The following SHISA9 variants were observed in gnomAD, a reference collection of about 807,000 sequenced individuals.
SHISA9 encodes shisa family member 9.
In SHISA9, 13 loss-of-function variants were observed where a neutral mutation model predicts 38.0. That is an observed-to-expected ratio of 0.34 (90% CI 0.22 to 0.54). The LOEUF (loss-of-function observed/expected upper bound fraction) is 0.54. SHISA9 is among the 20% of genes least tolerant of loss of function. SHISA9 has a pLI of 0.91. For synonymous variants in SHISA9, 275 were observed against 242.0 expected (o/e 1.14, Z -1.27); for missense variants, 538 against 575.8 (o/e 0.93, Z 0.67).
chr16:13,349,303 C>T, the SHISA9 span, among the ~76,000 whole-genome samples: 2 of 152,256 alleles, frequency 1.3e-5, no homozygotes, highest in Admixed American at 6.5e-5. Context: ...CTTGCATGGA[C>T]GAGGGGGTCT....
chr16:12,996,338 C>T (rs2072457079), intron 2 of SHISA9, among the ~76,000 whole-genome samples: 1 of 152,062 alleles, frequency 6.6e-6, no homozygotes, highest in East Asian at 1.9e-4. Flanking sequence ...CCCATTTTCC[C>T]ACGTAGCAAC....
chr16:13,077,224 ACTTCTT>A (rs369294233), intron 2 of SHISA9, among the ~76,000 whole-genome samples: 23 of 147,442 alleles, frequency 1.6e-4, no homozygotes, highest in African/African-American at 3.5e-4. Context: ...TCTATTTTTC[ACTTCTT>A]CTTCTTCTTC....
intron 2 of SHISA9, among the ~76,000 whole-genome samples, chr16:13,102,856 C>G (rs2073892228): frequency 6.6e-6 from 1 of 152,132 alleles, no homozygotes; most frequent in South Asian, 2.1e-4. Context: ...CAAGAGTCAT[C>G]TTAATTTAAA....
At chr16:13,464,143 C>T in the SHISA9 span, among the ~76,000 whole-genome samples, 1 of 152,190 alleles carries the variant, frequency 6.6e-6, no homozygotes, top group African/African-American at 2.4e-5. Context: ...TAGATTAACT[C>T]TGTGACTTTC....
intron 2 of SHISA9, among the ~76,000 whole-genome samples, chr16:13,073,419 T>A (rs1017533762): frequency 1.3e-5 from 2 of 152,172 alleles, no homozygotes; most frequent in African/African-American, 4.8e-5. Flanking sequence ...GTCACTTGGA[T>A]GTGGAGTATT....
At chr16:13,424,694 A>C in the SHISA9 span, among the ~76,000 whole-genome samples, 1 of 152,304 alleles carries the variant, frequency 6.6e-6, no homozygotes, top group South Asian at 2.1e-4. Context: ...TGTTGCAGCT[A>C]TTTAACTTTC....
chr16:12,927,050 T>G (rs1485682444), intron 2 of SHISA9, among the ~76,000 whole-genome samples: 1 of 152,220 alleles, frequency 6.6e-6, no homozygotes, highest in Non-Finnish European at 1.5e-5. Flanking sequence ...TCAGTCAGCC[T>G]GCTGTTCCTT....
At chr16:13,019,404 T>C (rs1457594929) in intron 2 of SHISA9, among the ~76,000 whole-genome samples, 1 of 152,158 alleles carries the variant, frequency 6.6e-6, no homozygotes, top group Non-Finnish European at 1.5e-5. Flanking sequence ...TGAAGGTGGC[T>C]TCTTACTATG....
At chr16:12,961,040 A>C (rs1604310) in intron 2 of SHISA9, among the ~76,000 whole-genome samples, 29,189 of 151,258 alleles carry the variant, frequency 0.19, 3,424 homozygotes, top group Middle Eastern at 0.35. Context: ...GGGATGATGA[A>C]AGGAGAGTGT....
intron 2 of SHISA9, among the ~76,000 whole-genome samples, chr16:13,134,384 T>A (rs2050330135): frequency 6.6e-6 from 1 of 152,182 alleles, no homozygotes; most frequent in Admixed American, 6.5e-5. Flanking sequence ...CTCTCTTGAG[T>A]GCCTGACAAT....
At chr16:13,126,855 AAGAG>A (rs1398397438) in intron 2 of SHISA9, among the ~76,000 whole-genome samples, 33 of 105,958 alleles carry the variant, frequency 3.1e-4, no homozygotes, top group Middle Eastern at 0.015. Context: ...GAGGGAAAGA[AAGAG>A]AGAGCTGAGG....
the SHISA9 span, among the ~76,000 whole-genome samples, chr16:13,397,788 ATTAGACCCC>A: frequency 6.6e-6 from 1 of 151,802 alleles, no homozygotes; most frequent in Non-Finnish European, 1.5e-5. Flanking sequence ...AACCAGCTCA[ATTAGACCCC>A]TGCTTTATCA....
the SHISA9 span, among the ~76,000 whole-genome samples, chr16:13,379,510 G>C: frequency 6.6e-6 from 1 of 152,150 alleles, no homozygotes; most frequent in Admixed American, 6.5e-5. Flanking sequence ...GCTGCTTCTA[G>C]GCACTGGAGG....
At chr16:13,354,541 A>G in the SHISA9 span, among the ~76,000 whole-genome samples, 3,186 of 150,568 alleles carry the variant, frequency 0.021, 56 homozygotes, top group African/African-American at 0.04. Flanking sequence ...AAGTATATGC[A>G]TCAGGTATGA....
chr16:13,087,434 T>C (rs1279125758), intron 2 of SHISA9, among the ~76,000 whole-genome samples: 2 of 151,692 alleles, frequency 1.3e-5, no homozygotes. Flanking sequence ...CAATTTACAC[T>C]CCCACCAGCA....
At chr16:13,167,905 T>C (rs1014410922) in intron 2 of SHISA9, among the ~76,000 whole-genome samples, 1 of 152,208 alleles carries the variant, frequency 6.6e-6, no homozygotes, top group Non-Finnish European at 1.5e-5. Context: ...TCTTAATTCT[T>C]GGATTTCCTG....
intron 2 of SHISA9, among the ~76,000 whole-genome samples, chr16:13,182,275 G>C (rs190365861): frequency 1.4e-4 from 21 of 152,270 alleles, no homozygotes; most frequent in Non-Finnish European, 2.6e-4. Flanking sequence ...CATCAGAGAA[G>C]TTAAGTAACT....
the SHISA9 span, among the ~76,000 whole-genome samples, chr16:13,288,763 C>G: frequency 1.3e-5 from 2 of 152,150 alleles, no homozygotes; most frequent in East Asian, 1.9e-4. Flanking sequence ...TGCACTCCAG[C>G]TTGGTGACAG....
At chr16:12,902,760 A>T in intron 1 of SHISA9, 133 bp downstream of exon 1, 1 of 982,130 alleles carries the variant, frequency 1.0e-6, no homozygotes. Flanking sequence ...GGGGGATGTC[A>T]CCGGGAAGCC....
Sources: gnomAD v4.1 joint callset for allele counts (sites outside exome capture counted in the v4.1 genomes callset) on GRCh38, gnomAD v4.1.1 for gene constraint, MANE v1.5 for transcripts, NCBI Gene and HGNC (gene_info 2026-07-23, HGNC 2026-07-21) for gene names.